Variants in TMEM9 observed in about 807,000 individuals in gnomAD.
TMEM9 encodes proton-transporting V-type ATPase complex assembly regulator TMEM9.
TMEM9 carries 13 observed loss-of-function variants against 22.8 expected under a neutral mutation model. That is an observed-to-expected ratio of 0.57 (90% CI 0.37 to 0.91). TMEM9 has a LOEUF of 0.91. Among genes scored for constraint, TMEM9 ranks in the 40% least tolerant of loss-of-function variants. The pLI, the probability that TMEM9 is intolerant of heterozygous loss-of-function variation, is 0.01. For missense variants in TMEM9, 182 were observed against 238.1 expected, an observed-to-expected ratio of 0.76 and a Z score of 1.55; for synonymous variants, 88 against 93.0, an observed-to-expected ratio of 0.95 and a Z score of 0.31.
rs113687669 is a variant in TMEM9, at chr1:201,143,388, G to A, written c.399+432C>T. On this transcript the variant is annotated intron_variant, in intron 4 of 4. Coordinates refer to ENST00000367330, the MANE Select transcript of TMEM9 (RefSeq NM_001288565.2). ...ATCCTACATTTCTCCCCAGACCCTG[G>A]AGCTCTGGTTTGCATTGAGCAAGTG... Among the ~76,000 whole-genome samples the A allele has an allele frequency of 3.8e-3, 578 of 152,286 alleles. 6 individuals carry two copies. Among genetic ancestry groups the A allele is most frequent in the African/African-American group, 0.013 (558 of 41,552 alleles).
intron 2 of TMEM9, among the ~76,000 whole-genome samples, chr1:201,147,454 C>T (rs1173462628): frequency 6.6e-6 from 1 of 152,190 alleles, no homozygotes; most frequent in Non-Finnish European, 1.5e-5. Context: ...AGTAAAATCA[C>T]CAAAGGCCAG....
chr1:201,150,274 G>A (rs1314348862), intron 2 of TMEM9, among the ~76,000 whole-genome samples: 1 of 152,230 alleles, frequency 6.6e-6, no homozygotes. Flanking sequence ...CTAAGTAGAA[G>A]GCTAGTGCTT....
chr1:201,151,722 C>T, intron 2 of TMEM9, 39 bp downstream of exon 2: 1 of 1,492,316 alleles, frequency 6.7e-7, no homozygotes, highest in Non-Finnish European at 9.4e-7. Context: ...ATAACTTCAA[C>T]TGGGTATAGC....
rs181404047 is a variant in TMEM9, at chr1:201,137,919, T to C, written c.400-2104A>G. ...TGCCTTCCCTGTTCACTGTGCTGAC[T>C]GAGCTGGCCACAGTGCTAAGACCAA... On this transcript the variant is annotated intron_variant, in intron 4 of 4. Coordinates refer to ENST00000367330, the MANE Select transcript of TMEM9 (RefSeq NM_001288565.2). 2.9e-3 allele frequency among the ~76,000 whole-genome samples: 446 copies of C among 152,312 alleles called. 3 individuals are homozygous for C. Among genetic ancestry groups the C allele is most frequent in the Middle Eastern group, 0.014 (4 of 294 alleles).
At chr1:201,143,696 A>C in intron 4 of TMEM9, 124 bp downstream of exon 4, 1 of 936,386 alleles carries the variant, frequency 1.1e-6, no homozygotes, top group Non-Finnish European at 1.6e-6. Context: ...TACGACACTG[A>C]CCAGAAGAGC....
chr1:201,165,932 C>T (rs1558122445), intron 1 of TMEM9, among the ~76,000 whole-genome samples: 1 of 152,178 alleles, frequency 6.6e-6, no homozygotes, highest in South Asian at 2.1e-4. Context: ...GTAAGTCTGC[C>T]TTTCTTCGTG....
At chr1:201,157,532 T>C (rs570237259), upstream of TMEM9, among the ~76,000 whole-genome samples, 10 of 152,344 alleles carry the variant, frequency 6.6e-5, no homozygotes, top group Non-Finnish European at 1.2e-4. Flanking sequence ...AGAAGGGAAG[T>C]TCTGCCAAGG....
chr1:201,170,767 C>T (rs1220050353), intron 1 of TMEM9, among the ~76,000 whole-genome samples: 3 of 152,224 alleles, frequency 2.0e-5, no homozygotes, highest in East Asian at 3.9e-4. Flanking sequence ...AGAGGGATTC[C>T]TTTCAGGCCC....
chr1:201,158,679 T>C (rs933107998), upstream of TMEM9, among the ~76,000 whole-genome samples: 10 of 151,942 alleles, frequency 6.6e-5, no homozygotes, highest in Non-Finnish European at 1.0e-4. Flanking sequence ...AGCAGTGCAC[T>C]CTCCCCAGCA....
At chr1:201,150,533 A>G (rs1665340893) in intron 2 of TMEM9, among the ~76,000 whole-genome samples, 1 of 152,222 alleles carries the variant, frequency 6.6e-6, no homozygotes, top group South Asian at 2.1e-4. Flanking sequence ...ATCAAAGTGC[A>G]GTGGAGATTA....
upstream of TMEM9, among the ~76,000 whole-genome samples, chr1:201,155,120 T>C (rs1381623263): frequency 1.3e-5 from 2 of 152,084 alleles, no homozygotes; most frequent in Non-Finnish European, 2.9e-5. Context: ...TTGCCAGCTG[T>C]GAAGGAAAGG....
chr1:201,166,792 A>G (rs1008532988), intron 1 of TMEM9, among the ~76,000 whole-genome samples: 6 of 152,228 alleles, frequency 3.9e-5, no homozygotes, highest in Non-Finnish European at 7.3e-5. Flanking sequence ...CATAAAGTAT[A>G]TAAGCCCCAG....
intron 1 of TMEM9, 42 bp from the exon 2 acceptor site, chr1:201,151,894 T>TGGGGTTCAG (rs769137979): frequency 7.2e-6 from 11 of 1,536,264 alleles, no homozygotes; most frequent in Non-Finnish European, 9.9e-6. Context: ...AGACCCTGCC[T>TGGGGTTCAG]GGGGTTCAGG....
chr1:201,162,169 T>C (rs955964010), intron 1 of TMEM9, among the ~76,000 whole-genome samples: 6 of 149,184 alleles, frequency 4.0e-5, no homozygotes, highest in African/African-American at 1.5e-4. Flanking sequence ...ATATGCCCAA[T>C]TGATTTTTTT....
At chr1:201,142,118 C>T (rs1041962387) in intron 4 of TMEM9, among the ~76,000 whole-genome samples, 1 of 152,206 alleles carries the variant, frequency 6.6e-6, no homozygotes, top group Non-Finnish European at 1.5e-5. Flanking sequence ...GCCAGTGCCA[C>T]CACCTCCCAG....
chr1:201,166,743 G>A (rs1666087935), intron 1 of TMEM9, among the ~76,000 whole-genome samples: 1 of 152,102 alleles, frequency 6.6e-6, no homozygotes, highest in Admixed American at 6.6e-5. Context: ...CATATATTTT[G>A]TTTTTTAATT....
chr1:201,140,614 T>C (rs146256428), intron 4 of TMEM9, among the ~76,000 whole-genome samples: 2 of 152,238 alleles, frequency 1.3e-5, no homozygotes, highest in South Asian at 2.1e-4. Context: ...GTCACAGGAA[T>C]TGGGGAGAAG....
intron 1 of TMEM9, among the ~76,000 whole-genome samples, chr1:201,163,853 G>A (rs575095062): frequency 3.3e-4 from 51 of 152,244 alleles, no homozygotes; most frequent in South Asian, 2.7e-3. Flanking sequence ...ACTACCACAC[G>A]ACTCTAGGCA....
At chr1:201,165,401 G>A (rs1666049029) in intron 1 of TMEM9, among the ~76,000 whole-genome samples, 2 of 150,896 alleles carry the variant, frequency 1.3e-5, no homozygotes, top group South Asian at 2.1e-4. Flanking sequence ...TATGTCTATG[G>A]TTTCTGCCAA....
Sources: allele counts gnomAD v4.1 joint callset (sites outside exome capture counted in the v4.1 genomes callset), GRCh38; gene constraint gnomAD v4.1.1; transcripts MANE v1.5; gene names NCBI Gene and HGNC (gene_info 2026-07-23, HGNC 2026-07-21).